PGRMC2: variants seen among roughly 807,000 people sequenced by gnomAD.
PGRMC2 encodes progesterone receptor membrane component 2.
Under a neutral mutation model 19.3 loss-of-function variants are expected in PGRMC2, and 9 were observed. The ratio of observed to expected loss-of-function variants is 0.47; its 90% CI spans 0.28 to 0.81. PGRMC2 has a LOEUF of 0.81. Ranked by LOEUF, PGRMC2 falls within the 40% of genes least tolerant of loss-of-function variation. The pLI, the probability that PGRMC2 is intolerant of heterozygous loss-of-function variation, is 0.11. For synonymous variants in PGRMC2, 157 were observed against 124.6 expected (o/e 1.26, Z -1.73); for missense variants, 289 against 297.3 (o/e 0.97, Z 0.21).
chr4:128,276,715 GAATTA>G (rs1760818459), intron 1 of PGRMC2, among the ~76,000 whole-genome samples: 1 of 152,132 alleles, frequency 6.6e-6, no homozygotes, highest in African/African-American at 2.4e-5. Context: ...GTAACTAGAA[GAATTA>G]AATTCTGTTG....
At chr4:128,284,681 T>C (rs897163254) in intron 1 of PGRMC2, among the ~76,000 whole-genome samples, 1 of 152,230 alleles carries the variant, frequency 6.6e-6, no homozygotes, top group Non-Finnish European at 1.5e-5. Context: ...ACCATTATTG[T>C]GAAATTAGGG....
intron 1 of PGRMC2, chr4:128,272,745 T>G (rs548738659): frequency 5.7e-6 from 2 of 349,764 alleles, no homozygotes; most frequent in Admixed American, 9.4e-5. Context: ...CACTTAGATC[T>G]TAAAACCCTC....
intron 1 of PGRMC2, among the ~76,000 whole-genome samples, chr4:128,278,435 G>A (rs1475091127): frequency 2.0e-5 from 3 of 152,010 alleles, no homozygotes; most frequent in Admixed American, 1.3e-4. Context: ...AGCCGGGCAC[G>A]GTGGTGGGCG....
chr4:128,287,255 G>C (rs1327013345), intron 1 of PGRMC2, 118 bp downstream of exon 1: 2 of 1,222,344 alleles, frequency 1.6e-6, no homozygotes, highest in Middle Eastern at 2.3e-4. Flanking sequence ...GCCGAGGCGC[G>C]GGGGTCCCGG....
At position 128,270,316 on chromosome 4, in the gene PGRMC2, T is replaced by A. The variant is rs931314866; in HGVS notation, c.*1000A>T. 1 of 152,580 alleles carries A rather than the reference T, an allele frequency of 6.6e-6. No individual in the cohort carries two copies. The highest frequency in any genetic ancestry group is 2.4e-5 in the African/African-American group (1 of 41,428). The allele number at this position is 152,580 out of a possible 1,614,324, so 9.5% of individuals were successfully genotyped here. A position where few individuals can be genotyped will look rare whatever the true frequency, so the allele number is the denominator to read the frequency against. The stretch of plus-strand genomic sequence containing the variant: ...TCAGACTCCTAAAATTAGGCAGCTG[T>A]TGGGGATAAGAGTTGATTTGTTTTT... On this transcript the variant is annotated 3_prime_UTR_variant, in exon 3 of 3. Transcript: ENST00000296425.
Position 128,270,776 on chromosome 4 carries a change from GAA to G in PGRMC2, c.*538_*539del, listed in dbSNP as rs1421412765. ...TTCTTTTCCCTGACAAAGCCAAAAAGAAAAGTTTGGGAATTCACATTTTAATG... is the reference window on the plus strand; with the variant it reads ...TTCTTTTCCCTGACAAAGCCAAAAAGAAGTTTGGGAATTCACATTTTAATG... On this transcript the variant is annotated 3_prime_UTR_variant, in exon 3 of 3. Transcript: ENST00000296425. 2.0e-5 allele frequency: 3 copies of G among 152,072 alleles called. No homozygotes were observed. Among genetic ancestry groups the G allele is most frequent in the African/African-American group, 7.2e-5 (3 of 41,418 alleles). The allele number at this position is 152,072 out of a possible 1,614,324, so 9.4% of individuals were successfully genotyped here. A position where few individuals can be genotyped will look rare whatever the true frequency, so the allele number is the denominator to read the frequency against.
chr4:128,287,153 G>T, intron 1 of PGRMC2: 1 of 496,958 alleles, frequency 2.0e-6, no homozygotes, highest in Non-Finnish European at 3.5e-6. Flanking sequence ...CGCCACCGGG[G>T]ACCCTGGTTT....
At chr4:128,286,062 A>G (rs1456975308) in intron 1 of PGRMC2, among the ~76,000 whole-genome samples, 2 of 115,956 alleles carry the variant, frequency 1.7e-5, no homozygotes. Flanking sequence ...AATATCTTCC[A>G]GCTATCAAGC....
intron 1 of PGRMC2, among the ~76,000 whole-genome samples, chr4:128,277,791 T>C (rs904173514): frequency 1.3e-5 from 2 of 152,230 alleles, no homozygotes; most frequent in African/African-American, 2.4e-5. Context: ...GAATGCAGTA[T>C]GGTAAAACTG....
chr4:128,273,381 A>G (rs559897435), intron 1 of PGRMC2, among the ~76,000 whole-genome samples: 1 of 152,336 alleles, frequency 6.6e-6, no homozygotes, highest in African/African-American at 2.4e-5. Context: ...CCTTGAGAAC[A>G]GCAATTTGTT....
At chr4:128,280,611 T>G (rs1760894747) in intron 1 of PGRMC2, among the ~76,000 whole-genome samples, 1 of 152,080 alleles carries the variant, frequency 6.6e-6, no homozygotes, top group African/African-American at 2.4e-5. Context: ...TAAGGTCAAT[T>G]TACATTTTTT....
At chr4:128,281,701 AAC>A (rs1317107307) in intron 1 of PGRMC2, among the ~76,000 whole-genome samples, 1 of 152,238 alleles carries the variant, frequency 6.6e-6, no homozygotes, top group Non-Finnish European at 1.5e-5. Flanking sequence ...AGAAAAATAA[AAC>A]AACACAGATT....
intron 1 of PGRMC2, among the ~76,000 whole-genome samples, chr4:128,274,537 A>AGG (rs34085463): frequency 1.6e-5 from 2 of 128,222 alleles, no homozygotes; most frequent in Admixed American, 1.8e-4. Context: ...AAAAAAAAAA[A>AGG]GGTATTAACC....
chr4:128,287,351 C>T, intron 1 of PGRMC2, 22 bp downstream of exon 1: 2 of 1,579,390 alleles, frequency 1.3e-6, no homozygotes, highest in Non-Finnish European at 1.7e-6. Flanking sequence ...GGGGTCCTTC[C>T]CCTCCCCTTC....
chr4:128,276,957 C>T (rs1170379800), intron 1 of PGRMC2, among the ~76,000 whole-genome samples: 6 of 152,246 alleles, frequency 3.9e-5, no homozygotes, highest in African/African-American at 1.4e-4. Flanking sequence ...GAGATCGTGA[C>T]CATCCTGGCC....
chr4:128,287,615 G>T lies in PGRMC2; in HGVS notation c.176C>A (p.Ala59Glu). The change falls in exon 1 of 3, where the codon GCG (alanine) becomes GAG (glutamate). Residue 59 changes from alanine (A) to glutamate (E), a missense_variant. By Grantham distance (107) the Ala-to-Glu change is moderately radical (BLOSUM62 -1). Coordinates refer to ENST00000296425, the MANE Select transcript of PGRMC2 (RefSeq NM_006320.6). The stretch of plus-strand genomic sequence containing the variant: ...CCCCAGCAGCACCAGAGCCACCAGC[G>T]CCACGTTCAGCAGCATTTCCCCGCC... ...TGGGEMLLNVALVALVLLGAY... is the reference protein window; with the variant it reads ...TGGGEMLLNVELVALVLLGAY... 7.4e-7 allele frequency: 1 copy of T among 1,352,310 alleles called. No individual in the cohort carries two copies. Among genetic ancestry groups the T allele is most frequent in the Non-Finnish European group, 9.7e-7 (1 of 1,030,526 alleles). 83.8% of individuals were successfully genotyped at this position (1,352,310 alleles called of 1,614,324 possible).
rs1760689635 is a variant in PGRMC2, at chr4:128,269,317, T to C, written c.*1999A>G. 1 of 152,204 alleles carries C rather than the reference T, an allele frequency of 6.6e-6. No homozygotes were observed. The highest frequency in any genetic ancestry group is 1.5e-5 in the Non-Finnish European group (1 of 68,034). The allele number at this position is 152,204 out of a possible 1,614,324, so 9.4% of individuals were successfully genotyped here. On this transcript the variant is annotated 3_prime_UTR_variant, in exon 3 of 3. Coordinates refer to ENST00000296425, the MANE Select transcript of PGRMC2 (RefSeq NM_006320.6). ...TACTCATTTTTCTTAACAGACCGCA[T>C]AATTTTTTCTGCATGAATATTTAGG...
chr4:128,285,763 C>T (rs1760973798), intron 1 of PGRMC2, among the ~76,000 whole-genome samples: 1 of 152,142 alleles, frequency 6.6e-6, no homozygotes, highest in African/African-American at 2.4e-5. Flanking sequence ...CTTCGCTTGG[C>T]CTGTTTAAAT....
intron 1 of PGRMC2, chr4:128,286,783 C>T (rs1760989144): frequency 2.5e-6 from 1 of 395,840 alleles, no homozygotes; most frequent in Admixed American, 4.4e-5. Context: ...GTTGCTTATA[C>T]GTCTGGACTT....
Sources: gnomAD v4.1 joint callset for allele counts (sites outside exome capture counted in the v4.1 genomes callset) on GRCh38, gnomAD v4.1.1 for gene constraint, MANE v1.5 for transcripts, NCBI Gene and HGNC (gene_info 2026-07-23, HGNC 2026-07-21) for gene names.